The following HS2ST1 variants were observed in gnomAD, a reference collection of about 807,000 sequenced individuals.
The protein encoded by HS2ST1 is heparan sulfate 2-O-sulfotransferase 1, also known as 2-O-sulfotransferase.
Under a neutral mutation model 42.9 loss-of-function variants are expected in HS2ST1, and 18 were observed. The observed-to-expected ratio is 0.42, with a 90% CI of 0.29 to 0.62. The LOEUF (loss-of-function observed/expected upper bound fraction) is 0.62, where lower values mean the gene tolerates loss of function less well. Among genes scored for constraint, HS2ST1 ranks in the 20% least tolerant of loss-of-function variants. The pLI is 0.21. For synonymous variants in HS2ST1, 146 were observed against 152.9 expected (o/e 0.95, Z 0.33); for missense variants, 334 against 433.8 (o/e 0.77, Z 2.04).
intron 1 of HS2ST1, among the ~76,000 whole-genome samples, chr1:86,924,443 C>A (rs965599145): frequency 6.6e-6 from 1 of 152,240 alleles, no homozygotes; most frequent in Non-Finnish European, 1.5e-5. Context: ...GTGGGGGCTG[C>A]AACCCCACAT....
At chr1:86,956,274 T>G (rs1422862787) in intron 1 of HS2ST1, among the ~76,000 whole-genome samples, 2 of 152,208 alleles carry the variant, frequency 1.3e-5, no homozygotes, top group African/African-American at 2.4e-5. Flanking sequence ...AAAAAAGATT[T>G]CCTTTTGATT....
intron 1 of HS2ST1, among the ~76,000 whole-genome samples, chr1:86,971,835 G>GA (rs912247598): frequency 1.4e-4 from 21 of 147,118 alleles, no homozygotes; most frequent in South Asian, 2.1e-4. Flanking sequence ...ATTCTTGAAA[G>GA]AAAAAAAAAA....
chr1:87,045,796 T>C (rs1324327711), intron 1 of HS2ST1: 12 of 839,778 alleles, frequency 1.4e-5, no homozygotes, highest in Non-Finnish European at 2.5e-5. Flanking sequence ...ACAAAATCCA[T>C]TGCATATGGG....
rs541836017 is a variant in HS2ST1, at chr1:87,101,235, G to A, written c.687-2197G>A. 1.4e-4 allele frequency among the ~76,000 whole-genome samples: 19 copies of A among 134,920 alleles called. No individual in the cohort carries two copies. In the East Asian group the frequency reaches 2.3e-3, roughly 16 times the overall value. 88.5% of individuals were successfully genotyped at this position (134,920 alleles called of 152,430 possible). A position where few individuals can be genotyped will look rare whatever the true frequency, so the allele number is the denominator to read the frequency against. ...GGCTGGAGTGCAGTGGCACGATCTC[G>A]GTTCACTGCAACCTCCGCCTCCCGG... On this transcript the variant is annotated intron_variant, in intron 5 of 6. Coordinates refer to ENST00000370550, the MANE Select transcript of HS2ST1 (RefSeq NM_012262.4).
intron 1 of HS2ST1, among the ~76,000 whole-genome samples, chr1:87,001,699 C>T (rs919112379): frequency 8.5e-5 from 13 of 152,294 alleles, no homozygotes; most frequent in Non-Finnish European, 1.2e-4. Context: ...CCACAATCTC[C>T]GCCTCTCGGG....
chr1:86,981,660 A>G (rs541608892), intron 1 of HS2ST1, among the ~76,000 whole-genome samples: 8 of 152,370 alleles, frequency 5.3e-5, no homozygotes, highest in Non-Finnish European at 8.8e-5. Context: ...CATCCAGGAC[A>G]CACTGATGCA....
rs552703701 is a variant in HS2ST1, at chr1:86,955,812, C to T, written c.124+40652C>T. On this transcript the variant is annotated intron_variant, in intron 1 of 6. Coordinates refer to ENST00000370550, the MANE Select transcript of HS2ST1 (RefSeq NM_012262.4). ...CCAGCCTAGGCAACATAGCAAAACC[C>T]CCTCTCTACCAAAAATACAATAAAT... Among the ~76,000 whole-genome samples, 8 of 152,164 alleles carry T rather than the reference C, an allele frequency of 5.3e-5. 1 individual carries two copies. Among genetic ancestry groups the T allele is most frequent in the Middle Eastern group, 3.4e-3 (1 of 294 alleles).
At chr1:87,081,970 CA>C (rs1041749210) in intron 2 of HS2ST1, among the ~76,000 whole-genome samples, 119 of 62,630 alleles carry the variant, frequency 1.9e-3, no homozygotes, top group South Asian at 7.7e-3. Flanking sequence ...GACTCCGTCT[CA>C]AAAAAAAAAA....
rs1553135487 is a variant in HS2ST1, at chr1:86,990,812, T to TATATATATATATATATATA, written c.124+75652_124+75653insATATATATATATATATATA. ...CATATGCCACCATGCCTGGCTAATT[T>TATATATATATATATATATA]TATATATATATATATATATATATAT... On this transcript the variant is annotated intron_variant, in intron 1 of 6. Coordinates refer to ENST00000370550, the MANE Select transcript of HS2ST1 (RefSeq NM_012262.4). 1.9e-3 allele frequency among the ~76,000 whole-genome samples: 19 copies of TATATATATATATATATATA among 10,242 alleles called. 4 individuals are homozygous for TATATATATATATATATATA. Among genetic ancestry groups the TATATATATATATATATATA allele is most frequent in the South Asian group, 0.012 (2 of 166 alleles). The allele number at this position is 10,242 out of a possible 152,430, so 6.7% of individuals were successfully genotyped here. A position where few individuals can be genotyped will look rare whatever the true frequency, so the allele number is the denominator to read the frequency against.
At chr1:86,973,618 G>A (rs1299737854) in intron 1 of HS2ST1, among the ~76,000 whole-genome samples, 1 of 152,110 alleles carries the variant, frequency 6.6e-6, no homozygotes, top group East Asian at 1.9e-4. Flanking sequence ...GGCTAAGAGT[G>A]GGAAGTTGAC....
intron 1 of HS2ST1, among the ~76,000 whole-genome samples, chr1:86,967,872 C>T (rs11579474): frequency 0.11 from 16,997 of 152,158 alleles, 1,019 homozygotes; most frequent in African/African-American, 0.14. Context: ...AAGGAATCTC[C>T]GTACTGTTTT....
At chr1:86,947,321 A>G (rs144595569) in intron 1 of HS2ST1, among the ~76,000 whole-genome samples, 83 of 152,368 alleles carry the variant, frequency 5.4e-4, no homozygotes, top group African/African-American at 1.9e-3. Flanking sequence ...TATTAGACCA[A>G]TGAGACCATT....
At chr1:86,984,542 T>C (rs1648698884) in intron 1 of HS2ST1, among the ~76,000 whole-genome samples, 2 of 152,184 alleles carry the variant, frequency 1.3e-5, no homozygotes, top group Non-Finnish European at 2.9e-5. Context: ...CTGAGCTTAA[T>C]CGTGTTTTCT....
chr1:87,039,019 A>G (rs555649226), intron 1 of HS2ST1, among the ~76,000 whole-genome samples: 2 of 152,328 alleles, frequency 1.3e-5, no homozygotes, highest in African/African-American at 2.4e-5. Flanking sequence ...ATAAATTAGT[A>G]AAAACAATCA....
chr1:86,919,106 A>G (rs1376706707), intron 1 of HS2ST1, among the ~76,000 whole-genome samples: 1 of 151,648 alleles, frequency 6.6e-6, no homozygotes, highest in Non-Finnish European at 1.5e-5. Flanking sequence ...CACCACGCCC[A>G]GGTAATTTTT....
chr1:86,923,968 A>C (rs111855076), intron 1 of HS2ST1, among the ~76,000 whole-genome samples: 2,146 of 152,300 alleles, frequency 0.014, 56 homozygotes, highest in African/African-American at 0.049. Context: ...TTAACTCAAA[A>C]GTCCACAGTC....
intron 1 of HS2ST1, among the ~76,000 whole-genome samples, chr1:87,069,009 TGTTAA>T (rs1486712312): frequency 5.9e-5 from 9 of 152,148 alleles, no homozygotes; most frequent in African/African-American, 1.9e-4. Flanking sequence ...TGAGAAAATA[TGTTAA>T]GTTTTCTATT....
intron 1 of HS2ST1, among the ~76,000 whole-genome samples, chr1:87,062,033 T>TGAAC (rs1470634030): frequency 6.6e-6 from 1 of 152,118 alleles, no homozygotes; most frequent in Non-Finnish European, 1.5e-5. Flanking sequence ...CTAATGATGT[T>TGAAC]GAACATCTGT....
chr1:86,915,604 T>C (rs754563035), intron 1 of HS2ST1, among the ~76,000 whole-genome samples: 1 of 152,104 alleles, frequency 6.6e-6, no homozygotes, highest in African/African-American at 2.4e-5. Flanking sequence ...ACGAATTCTT[T>C]TGGGGGCTCA....
Sources: allele counts gnomAD v4.1 joint callset (sites outside exome capture counted in the v4.1 genomes callset), GRCh38; gene constraint gnomAD v4.1.1; transcripts MANE v1.5; gene names NCBI Gene and HGNC (gene_info 2026-07-23, HGNC 2026-07-21).